Variants in UBE2O observed in about 807,000 individuals in gnomAD.
The protein encoded by UBE2O is (E3-independent) E2 ubiquitin-conjugating enzyme.
UBE2O carries 15 observed loss-of-function variants against 125.8 expected under a neutral mutation model. The observed-to-expected ratio is 0.12, with a 90% CI of 0.08 to 0.18. The LOEUF (loss-of-function observed/expected upper bound fraction) is 0.18. Among genes scored for constraint, UBE2O ranks in the 10% least tolerant of loss-of-function variants. The pLI, the probability that UBE2O is intolerant of heterozygous loss-of-function variation, is 1.00. For synonymous variants in UBE2O, 708 were observed against 703.2 expected (o/e 1.01, Z -0.11); for missense variants, 1,280 against 1,723.6 (o/e 0.74, Z 4.56).
At position 76,402,532 on chromosome 17, in the gene UBE2O, C is replaced by CCCT. The variant is rs1370317325; in HGVS notation, c.686+67_686+69dup. On this transcript the variant is annotated intron_variant, in intron 4 of 17. Coordinates refer to ENST00000319380, the MANE Select transcript of UBE2O (RefSeq NM_022066.4). The surrounding 1 kb of genome is among the most constrained non-coding windows in gnomAD (Gnocchi z 5.4). ...TCATCACTGTCCCCAGGAGGAAACACCCTCCTCCTCCCCTCTTTCCAAGAG... is the reference window on the plus strand; with the variant it reads ...TCATCACTGTCCCCAGGAGGAAACACCCTCCTCCTCCTCCCCTCTTTCCAAGAG... 3.0e-6 allele frequency: 4 copies of CCCT among 1,341,476 alleles called. No homozygotes were observed. The highest frequency in any genetic ancestry group is 1.1e-6 in the Non-Finnish European group (1 of 933,308). The allele number at this position is 1,341,476 out of a possible 1,614,324, so 83.1% of individuals were successfully genotyped here.
chr17:76,422,502 G>A (rs570473052), intron 1 of UBE2O, among the ~76,000 whole-genome samples: 4 of 152,326 alleles, frequency 2.6e-5, no homozygotes, highest in African/African-American at 9.6e-5. Context: ...TGGGTGGGCA[G>A]ACGCTGTGCC....
In UBE2O at chr17:76,390,699, G is replaced by A. The variant is rs2072092302; in HGVS notation, c.*244C>T. On this transcript the variant is annotated 3_prime_UTR_variant, in exon 18 of 18. Transcript: ENST00000319380. ...CTGCTGGGGTGACAAATGGAAAATC[G>A]GCAACAGGGTTCCGATTTTCTTTGC... 1.9e-5 allele frequency: 8 copies of A among 415,484 alleles called. No homozygotes were observed. The highest frequency in any genetic ancestry group is 3.4e-5 in the Non-Finnish European group (8 of 232,432). 25.7% of individuals were successfully genotyped at this position (415,484 alleles called of 1,614,324 possible).
chr17:76,445,795 G>A (rs951816879), intron 1 of UBE2O, among the ~76,000 whole-genome samples: 15 of 152,180 alleles, frequency 9.9e-5, no homozygotes, highest in African/African-American at 3.6e-4. Flanking sequence ...GCTCTTCCCT[G>A]GCTATAACTG....
intron 1 of UBE2O, among the ~76,000 whole-genome samples, chr17:76,413,260 A>G (rs2072546388): frequency 6.6e-6 from 1 of 152,216 alleles, no homozygotes; most frequent in Admixed American, 6.5e-5. Context: ...CCACAATGTT[A>G]ATGCAGCTTG....
Position 76,400,285 on chromosome 17 carries a change from G to A in UBE2O, c.1017C>T (p.Leu339=), listed in dbSNP as rs937663050. The A allele has an allele frequency of 3.7e-6, 6 of 1,613,756 alleles. No individual in the cohort carries two copies. Among genetic ancestry groups the A allele is most frequent in the Admixed American group, 1.7e-5 (1 of 59,996 alleles). Residue 339 remains leucine (L), a synonymous_variant, in exon 8 of 18, where the codon CTC becomes CTT. Coordinates refer to ENST00000319380, the MANE Select transcript of UBE2O (RefSeq NM_022066.4). This position sits in a 1 kb window ranked among gnomAD's most constrained non-coding sequence, Gnocchi z 4.3. ...GCCGCTGAGCATGGTCAAAGCATCC[G>A]AGACGCTTCACCCTGGTTGGGGAAG... The part of the protein sequence containing the change: ...TQENLGRVKR[L]GCFDHAQRQL...
At chr17:76,449,357 T>G (rs550970101) in intron 1 of UBE2O, among the ~76,000 whole-genome samples, 12 of 152,072 alleles carry the variant, frequency 7.9e-5, no homozygotes, top group African/African-American at 2.9e-4. Context: ...GGTGAATCAC[T>G]TGAGGCCAGA....
In UBE2O at chr17:76,391,341, C is replaced by T. The variant is rs762697684; in HGVS notation, c.3481G>A (p.Gly1161Arg). The change falls in exon 18 of 18, where the codon GGG becomes AGG. Residue 1161 changes from glycine (G) to arginine (R), a missense_variant. Coordinates refer to ENST00000319380, the MANE Select transcript of UBE2O (RefSeq NM_022066.4). The surrounding 1 kb of genome is among the most constrained non-coding windows in gnomAD (Gnocchi z 8.4). ...GGCGAGCTGCTGGCCTTGGGCACCCCGTTGGGCAGTGCCTGGGCCTTCTCC... is the reference window on the plus strand; with the variant it reads ...GGCGAGCTGCTGGCCTTGGGCACCCTGTTGGGCAGTGCCTGGGCCTTCTCC... ...LLEKAQALPN[G>R]VPKASSSPEP... The T allele has an allele frequency of 8.7e-6, 14 of 1,613,012 alleles. No individual in the cohort carries two copies. Among genetic ancestry groups the T allele is most frequent in the African/African-American group, 8.0e-5 (6 of 74,920 alleles).
intron 1 of UBE2O, among the ~76,000 whole-genome samples, chr17:76,427,900 T>C (rs1365056697): frequency 6.6e-6 from 1 of 152,188 alleles, no homozygotes; most frequent in African/African-American, 2.4e-5. Context: ...GCTTCACGTG[T>C]TCATGCAAAT....
intron 1 of UBE2O, among the ~76,000 whole-genome samples, chr17:76,407,415 T>C (rs1391897476): frequency 1.3e-5 from 2 of 152,174 alleles, no homozygotes; most frequent in African/African-American, 4.8e-5. Flanking sequence ...TGCCCCACCC[T>C]ATCTTAATCC....
intron 1 of UBE2O, among the ~76,000 whole-genome samples, chr17:76,431,929 T>C (rs763789963): frequency 2.6e-5 from 4 of 152,198 alleles, no homozygotes; most frequent in African/African-American, 4.8e-5. Flanking sequence ...GATCTAACCA[T>C]GACAGTCAGA....
In UBE2O at chr17:76,453,106, G is replaced by T. The variant is rs1420767449; in HGVS notation, c.36C>A (p.Pro12=). The change falls in exon 1 of 18, where the codon CCC becomes CCA. Residue 12 remains proline (P), a synonymous_variant. Transcript: ENST00000319380. The part of the protein sequence containing the change: ...ADPAAPTPAA[P]APAQAPAPAP... ...CTGGAGCCGGGGCCTGGGCTGGAGC[G>T]GGAGCTGCGGGCGTGGGGGCTGCGG... 3.4e-6 allele frequency: 3 copies of T among 880,132 alleles called. No homozygotes were observed. Among genetic ancestry groups the T allele is most frequent in the Non-Finnish European group, 4.7e-6 (3 of 641,744 alleles). The allele number at this position is 880,132 out of a possible 1,614,324, so 54.5% of individuals were successfully genotyped here. A position where few individuals can be genotyped will look rare whatever the true frequency, so the allele number is the denominator to read the frequency against.
At chr17:76,397,347 C>A (rs768931132) in intron 13 of UBE2O, among the ~76,000 whole-genome samples, 2 of 152,196 alleles carry the variant, frequency 1.3e-5, no homozygotes, top group Non-Finnish European at 2.9e-5. Flanking sequence ...GGCTGTGTGG[C>A]TCCAACCAGG....
intron 1 of UBE2O, chr17:76,430,823 C>T (rs1406137446): frequency 6.0e-6 from 2 of 332,036 alleles, no homozygotes; most frequent in Non-Finnish European, 1.2e-5. Flanking sequence ...GCCCTTTGGG[C>T]TCACACCACT....
Position 76,395,024 on chromosome 17 carries a change from C to T in UBE2O, c.2946+701G>A, listed in dbSNP as rs1386680402. On this transcript the variant is annotated intron_variant, in intron 15 of 17. Transcript: ENST00000319380. The surrounding 1 kb of genome is among the most constrained non-coding windows in gnomAD (Gnocchi z 5.0). ...CCGAGTAGCTGGGATTACTGGCACC[C>T]GCCACCACATCCGGCTAATTTTTGT... is the stretch of plus-strand genomic sequence containing the variant. 6.7e-6 allele frequency among the ~76,000 whole-genome samples: 1 copy of T among 148,194 alleles called. No individual in the cohort carries two copies. The highest frequency in any genetic ancestry group is 1.5e-5 in the Non-Finnish European group (1 of 66,982).
At position 76,452,957 on chromosome 17, in the gene UBE2O, G is replaced by A; in HGVS notation, c.185C>T (p.Ser62Phe). The A allele has an allele frequency of 2.0e-6, 3 of 1,497,080 alleles. No homozygotes were observed. Among genetic ancestry groups the A allele is most frequent in the Non-Finnish European group, 2.7e-6 (3 of 1,123,102 alleles). The allele number at this position is 1,497,080 out of a possible 1,614,324, so 92.7% of individuals were successfully genotyped here. The change falls in exon 1 of 18, where the codon TCT becomes TTT. Residue 62 changes from serine (S) to phenylalanine (F), a missense_variant. This residue lies in a region of UBE2O where 188 missense variants were observed against 192.5 expected (regional missense o/e 0.98). Transcript: ENST00000319380. This position sits in a 1 kb window ranked among gnomAD's most constrained non-coding sequence, Gnocchi z 4.4. ...PEAGSQRLLF[S>F]HDLVSGRYRG... is the part of the protein sequence containing the mutation. ...GTAACGGCCCGACACCAGGTCGTGA[G>A]AAAACAGCAGGCGCTGCGAGCCGGC...
rs558975158 is a variant in UBE2O at position 76,404,526 on chromosome 17, TTCCTGAATTGGG to T, written c.588+668_588+679del. On this transcript the variant is annotated intron_variant, in intron 3 of 17. Transcript: ENST00000319380. The surrounding 1 kb of genome is among the most constrained non-coding windows in gnomAD (Gnocchi z 4.3). ...AGATGACAACTCAATGCAAGATGTG[TTCCTGAATTGGG>T]TCCTGGATCCGCAAAGAAGAAAAGA... Among the ~76,000 whole-genome samples, 35 of 152,352 alleles carry T rather than the reference TTCCTGAATTGGG, an allele frequency of 2.3e-4. No homozygotes were observed. The South Asian group carries it at 6.6e-3, about 29-fold the overall frequency.
rs1014819162 is a variant in UBE2O, at chr17:76,398,832, A to C, written c.1783+5T>G. On this transcript the variant is annotated splice_donor_5th_base_variant and intron_variant, in intron 10 of 17. Coordinates refer to ENST00000319380, the MANE Select transcript of UBE2O (RefSeq NM_022066.4). This position sits in a 1 kb window ranked among gnomAD's most constrained non-coding sequence, Gnocchi z 5.4. ...TGCTGGCTGCCCTTCCAGAGCTGGC[A>C]CTACCTCGCTTATCTACCACGAAGT... 1 of 1,613,014 alleles carries C rather than the reference A, an allele frequency of 6.2e-7. No individual in the cohort carries two copies.
chr17:76,423,693 A>AAAATAAAT (rs74941845), intron 1 of UBE2O, among the ~76,000 whole-genome samples: 35,212 of 135,614 alleles, frequency 0.26, 4,856 homozygotes, highest in South Asian at 0.35. Context: ...ACTCCATCTC[A>AAAATAAAT]AAATAAATAA....
In UBE2O at chr17:76,400,574, C is replaced by T. The variant is rs1171179532; in HGVS notation, c.895-24G>A. The T allele has an allele frequency of 1.3e-6, 2 of 1,548,720 alleles. No individual in the cohort carries two copies. The highest frequency in any genetic ancestry group is 1.8e-6 in the Non-Finnish European group (2 of 1,129,952). On this transcript the variant is annotated intron_variant, in intron 6 of 17. Coordinates refer to ENST00000319380, the MANE Select transcript of UBE2O (RefSeq NM_022066.4). This position sits in a 1 kb window ranked among gnomAD's most constrained non-coding sequence, Gnocchi z 4.3. ...ACCTGGGGATGGCAGGTGGGACACG[C>T]CAGTCAGGGCAGGCTCTGACAGCAC...
Sources: gnomAD v4.1 joint callset for allele counts (sites outside exome capture counted in the v4.1 genomes callset) on GRCh38, gnomAD v4.1.1 for gene constraint, gnomAD v4.1.1 regional missense constraint, Gnocchi (gnomAD v3.1) non-coding constraint, MANE v1.5 for transcripts, NCBI Gene and HGNC (gene_info 2026-07-23, HGNC 2026-07-21) for gene names.